Variants in TMTC3 observed in about 807,000 individuals in gnomAD.
TMTC3 encodes the protein transmembrane O-mannosyltransferase targeting cadherins 3, also known as protein O-mannosyl-transferase TMTC3.
TMTC3 carries 52 observed loss-of-function variants against 92.2 expected under a neutral mutation model. The ratio of observed to expected loss-of-function variants is 0.56; its 90% CI spans 0.45 to 0.71. The LOEUF is 0.71. Ranked by LOEUF, TMTC3 falls within the 30% of genes least tolerant of loss-of-function variation. The pLI is 0.00. For missense variants in TMTC3, 896 were observed against 1,057.1 expected, an observed-to-expected ratio of 0.85 and a Z score of 2.11; for synonymous variants, 339 against 363.3, an observed-to-expected ratio of 0.93 and a Z score of 0.76.
At chr12:88,145,426 G>A (rs1471274992) in intron 1 of TMTC3, among the ~76,000 whole-genome samples, 3 of 152,238 alleles carry the variant, frequency 2.0e-5, no homozygotes, top group East Asian at 3.9e-4. Context: ...ATTTAGTTTT[G>A]TATATCTATA....
At chr12:88,184,339 A>T (rs2041352514) in intron 10 of TMTC3, among the ~76,000 whole-genome samples, 1 of 152,220 alleles carries the variant, frequency 6.6e-6, no homozygotes, top group Non-Finnish European at 1.5e-5. Context: ...AAAGGAGTAA[A>T]CAAATTTATC....
chr12:88,161,793 G>A (rs996405761), intron 6 of TMTC3, among the ~76,000 whole-genome samples: 2 of 150,144 alleles, frequency 1.3e-5, no homozygotes, highest in Non-Finnish European at 3.0e-5. Context: ...TTCTAATTTC[G>A]AATATATATA....
Position 88,172,672 on chromosome 12 carries a change from C to A in TMTC3, c.1126C>A (p.Arg376=). The A allele has an allele frequency of 6.3e-7, 1 of 1,588,802 alleles. No individual in the cohort carries two copies. The highest frequency in any genetic ancestry group is 1.2e-5 in the South Asian group (1 of 86,806). Reference sequence around the variant, plus strand: ...TCCAGTTGGATTTGTTGTTGCCGAGCGAGTATTATATGTTCCCAGCATGGG... The same window carrying A: ...TCCAGTTGGATTTGTTGTTGCCGAGAGAGTATTATATGTTCCCAGCATGGG... ...FFPVGFVVAE[R]VLYVPSMGFC... is the part of the protein sequence containing the mutation. Residue 376 remains arginine (R), a synonymous_variant, in exon 8 of 14, where the codon CGA becomes AGA. Coordinates refer to ENST00000266712, the MANE Select transcript of TMTC3 (RefSeq NM_181783.4).
At chr12:88,155,894 T>C (rs1438306323) in intron 4 of TMTC3, among the ~76,000 whole-genome samples, 1 of 152,068 alleles carries the variant, frequency 6.6e-6, no homozygotes, top group African/African-American at 2.4e-5. Flanking sequence ...GCGGATCACA[T>C]TGTCAGGAGT....
At chr12:88,163,193 G>A (rs1159584904) in intron 6 of TMTC3, among the ~76,000 whole-genome samples, 2 of 152,120 alleles carry the variant, frequency 1.3e-5, no homozygotes, top group Non-Finnish European at 2.9e-5. Flanking sequence ...TGAGATTACA[G>A]GCATGAGCCA....
intron 4 of TMTC3, among the ~76,000 whole-genome samples, chr12:88,158,621 G>A (rs982387402): frequency 6.6e-6 from 1 of 151,718 alleles, no homozygotes; most frequent in Non-Finnish European, 1.5e-5. Flanking sequence ...AGAGTACTTT[G>A]AAAACAATTT....
At position 88,172,580 on chromosome 12, in the gene TMTC3, TC is replaced by T; in HGVS notation, c.1051-16del. 7.7e-7 allele frequency: 1 copy of T among 1,294,778 alleles called. No homozygotes were observed. The highest frequency in any genetic ancestry group is 1.0e-6 in the Non-Finnish European group (1 of 993,864). 80.2% of individuals were successfully genotyped at this position (1,294,778 alleles called of 1,614,324 possible). A position where few individuals can be genotyped will look rare whatever the true frequency, so the allele number is the denominator to read the frequency against. Reference sequence around the variant, plus strand: ...AAATTTATTATAAATTATTAAATCTTCTTTTTTTTTTTGTAGGCGCTTTGTT... The same window carrying T: ...AAATTTATTATAAATTATTAAATCTTTTTTTTTTTTTGTAGGCGCTTTGTT... On this transcript the variant is annotated splice_polypyrimidine_tract_variant and intron_variant, in intron 7 of 13. Coordinates refer to ENST00000266712, the MANE Select transcript of TMTC3 (RefSeq NM_181783.4).
At chr12:88,166,655 G>T in intron 7 of TMTC3, 73 bp downstream of exon 7, 1 of 1,468,460 alleles carries the variant, frequency 6.8e-7, no homozygotes, top group South Asian at 1.4e-5. Flanking sequence ...CTTTAATTCA[G>T]CAAAAGCATC....
intron 7 of TMTC3, among the ~76,000 whole-genome samples, chr12:88,171,564 A>C (rs1426747644): frequency 6.6e-6 from 1 of 152,142 alleles, no homozygotes; most frequent in Admixed American, 6.6e-5. Flanking sequence ...AGTATTCTAA[A>C]GTGTATATGT....
rs1341996997 is a variant in TMTC3, at chr12:88,166,243, ATGTTTAT to A, written c.798-80_798-74del. ...TCTGTTTAATAAGATGATATATAAA[ATGTTTAT>A]TGTTTAGTGTTTTACTTATGTAAAT... On this transcript the variant is annotated intron_variant, in intron 6 of 13. Transcript: ENST00000266712. 6.3e-6 allele frequency: 8 copies of A among 1,270,746 alleles called. No individual in the cohort carries two copies. The African/African-American group carries it at 1.2e-4, about 19-fold the overall frequency. 78.7% of individuals were successfully genotyped at this position (1,270,746 alleles called of 1,614,324 possible). A position where few individuals can be genotyped will look rare whatever the true frequency, so the allele number is the denominator to read the frequency against.
chr12:88,198,487 T>C lies in TMTC3; in HGVS notation c.*2838T>C, dbSNP rs2041541297. The C allele has an allele frequency of 1.5e-5, 6 of 397,844 alleles. No homozygotes were observed. The East Asian group carries it at 2.1e-4, about 14-fold the overall frequency. The allele number at this position is 397,844 out of a possible 1,614,324, so 24.6% of individuals were successfully genotyped here. On this transcript the variant is annotated 3_prime_UTR_variant, in exon 14 of 14. Coordinates refer to ENST00000266712, the MANE Select transcript of TMTC3 (RefSeq NM_181783.4). ...GAAGGTAGAATTAAGTTTCTGGAAT[T>C]GCACCTACATGTTTTCTTATTAACA... is the stretch of plus-strand genomic sequence containing the variant.
intron 1 of TMTC3, among the ~76,000 whole-genome samples, chr12:88,146,767 A>C (rs1445917299): frequency 6.6e-6 from 1 of 150,886 alleles, no homozygotes; most frequent in East Asian, 1.9e-4. Context: ...AATTTAGGAA[A>C]TAAAACTTGA....
intron 2 of TMTC3, 54 bp downstream of exon 2, chr12:88,148,558 G>A: frequency 3.8e-6 from 5 of 1,300,144 alleles, no homozygotes; most frequent in South Asian, 1.6e-5. Context: ...GAAATATTCT[G>A]GTATTTTATT....
chr12:88,194,144 C>G (rs980263519), intron 13 of TMTC3, among the ~76,000 whole-genome samples: 1 of 152,036 alleles, frequency 6.6e-6, no homozygotes, highest in Non-Finnish European at 1.5e-5. Context: ...ATTGCTTGAG[C>G]CCAGGAGTTT....
intron 1 of TMTC3, 101 bp downstream of exon 1, chr12:88,142,588 C>A (rs1472138389): frequency 6.6e-6 from 1 of 152,364 alleles, no homozygotes; most frequent in Non-Finnish European, 1.5e-5. Flanking sequence ...TGGTCCCATT[C>A]TGAAAAAGTG....
At chr12:88,191,115 A>G (rs2041437564) in intron 12 of TMTC3, among the ~76,000 whole-genome samples, 1 of 152,082 alleles carries the variant, frequency 6.6e-6, no homozygotes, top group East Asian at 1.9e-4. Flanking sequence ...ATGTGTTATC[A>G]TTTGTATTAC....
chr12:88,169,054 G>C (rs2041176384), intron 7 of TMTC3, among the ~76,000 whole-genome samples: 2 of 152,168 alleles, frequency 1.3e-5, no homozygotes, highest in African/African-American at 4.8e-5. Flanking sequence ...AGCTTTCATT[G>C]TAAATTAGGA....
At chr12:88,156,505 A>G (rs1173802600) in intron 4 of TMTC3, among the ~76,000 whole-genome samples, 1 of 152,152 alleles carries the variant, frequency 6.6e-6, no homozygotes, top group Non-Finnish European at 1.5e-5. Context: ...AGCTCTGTAG[A>G]AGTTACTGCC....
chr12:88,197,652 A>G lies in TMTC3; in HGVS notation c.*2003A>G, dbSNP rs945662724. 1.3e-4 allele frequency: 20 copies of G among 151,974 alleles called. No individual in the cohort carries two copies. Among genetic ancestry groups the G allele is most frequent in the African/African-American group, 4.6e-4 (19 of 41,434 alleles). 9.4% of individuals were successfully genotyped at this position (151,974 alleles called of 1,614,324 possible). A position where few individuals can be genotyped will look rare whatever the true frequency, so the allele number is the denominator to read the frequency against. On this transcript the variant is annotated 3_prime_UTR_variant, in exon 14 of 14. Transcript: ENST00000266712. ...GATAAAAATGTATCAATGTTATCCA[A>G]TGATTTTTATTAAAAAATTACCTTA...
Sources: allele counts gnomAD v4.1 joint callset (sites outside exome capture counted in the v4.1 genomes callset), GRCh38; gene constraint gnomAD v4.1.1; transcripts MANE v1.5; gene names NCBI Gene and HGNC (gene_info 2026-07-23, HGNC 2026-07-21).